NRL: variants seen among roughly 807,000 people sequenced by gnomAD.
The protein encoded by NRL is neural retina leucine zipper.
Under a neutral mutation model 12.5 loss-of-function variants are expected in NRL, and 16 were observed. The ratio of observed to expected loss-of-function variants is 1.28; its 90% CI spans 0.87 to 1.95. NRL has a LOEUF of 1.95. Among genes scored for constraint, NRL ranks in the 30% most tolerant of loss-of-function variants. The pLI is 0.00. For synonymous variants in NRL, 142 were observed against 150.9 expected (o/e 0.94, Z 0.43); for missense variants, 314 against 325.8 (o/e 0.96, Z 0.28).
intron 1 of NRL, among the ~76,000 whole-genome samples, chr14:24,113,582 G>GC (rs1255135854): frequency 6.6e-6 from 1 of 152,224 alleles, no homozygotes; most frequent in Non-Finnish European, 1.5e-5. Flanking sequence ...GGAGCCGAGT[G>GC]CAAGATGAAA....
chr14:24,079,771 C>T lies in NRL; in HGVS notation c.*1465G>A, dbSNP rs1316768789. On this transcript the variant is annotated 3_prime_UTR_variant, in exon 3 of 3. Coordinates refer to ENST00000561028, the MANE Select transcript of NRL (RefSeq NM_001354768.3). ...CAGTAACTCGTGAGGCGGCTGCTCCCAGCACAACGCCTGTGCTCTGCCCAG... is the reference window on the plus strand; with the variant it reads ...CAGTAACTCGTGAGGCGGCTGCTCCTAGCACAACGCCTGTGCTCTGCCCAG... Among the ~76,000 whole-genome samples the T allele has an allele frequency of 6.6e-6, 1 of 152,228 alleles. No homozygotes were observed. The highest frequency in any genetic ancestry group is 2.4e-5 in the African/African-American group (1 of 41,448).
chr14:24,089,684 G>A (rs2036563209), intron 1 of NRL, among the ~76,000 whole-genome samples: 2 of 152,156 alleles, frequency 1.3e-5, no homozygotes, highest in African/African-American at 4.8e-5. Context: ...AGAAGGGCAG[G>A]GTGCTATGAA....
chr14:24,111,688 C>T (rs376733999), intron 1 of NRL, among the ~76,000 whole-genome samples: 5 of 152,110 alleles, frequency 3.3e-5, no homozygotes, highest in Non-Finnish European at 7.3e-5. Flanking sequence ...AAAATGATTC[C>T]GTCCTGAGAC....
At chr14:24,097,159 C>G (rs776921563) in intron 1 of NRL, 16 of 1,610,458 alleles carry the variant, frequency 9.9e-6, no homozygotes, top group Non-Finnish European at 1.4e-5. Context: ...GCTCCACAAC[C>G]TGCAGGATAG....
chr14:24,098,352 G>A lies in NRL; in HGVS notation c.-27-15477C>T, dbSNP rs758347746. The A allele has an allele frequency of 1.8e-5, 29 of 1,613,356 alleles. No homozygotes were observed. Among genetic ancestry groups the A allele is most frequent in the South Asian group, 9.9e-5 (9 of 91,030 alleles). On this transcript the variant is annotated intron_variant, in intron 1 of 2. Coordinates refer to ENST00000561028, the MANE Select transcript of NRL (RefSeq NM_001354768.3). Reference sequence around the variant, plus strand: ...TGGATGTCCCCAGCTGATTTCCAGCGAGCTGTGGATGAGAGGTTTCCAGGC... The same window carrying A: ...TGGATGTCCCCAGCTGATTTCCAGCAAGCTGTGGATGAGAGGTTTCCAGGC...
intron 1 of NRL, among the ~76,000 whole-genome samples, chr14:24,105,937 C>T: frequency 6.6e-6 from 1 of 152,116 alleles, no homozygotes; most frequent in African/African-American, 2.4e-5. Flanking sequence ...TCACCTATTC[C>T]GTGTTTCTCA....
rs1180900105 is a variant in NRL, at chr14:24,085,812, C to T, written c.-27-2937G>A. ...CCCCAGAGCAGCAGCATCCATATCA[C>T]CTGGGAACTTGCTAGAAATACATGT... On this transcript the variant is annotated intron_variant, in intron 1 of 2. Transcript: ENST00000561028. The surrounding 1 kb of genome is among the most constrained non-coding windows in gnomAD (Gnocchi z 4.1). 2.6e-5 allele frequency among the ~76,000 whole-genome samples: 4 copies of T among 152,196 alleles called. 1 individual carries two copies. The South Asian group carries it at 6.2e-4, about 24-fold the overall frequency.
intron 1 of NRL, chr14:24,095,014 C>G: frequency 2.1e-6 from 1 of 466,016 alleles, no homozygotes; most frequent in South Asian, 1.6e-5. Flanking sequence ...GGGAGGAGGG[C>G]GCCAAGTTGC....
intron 1 of NRL, among the ~76,000 whole-genome samples, chr14:24,083,722 A>G (rs2036392326): frequency 6.6e-6 from 1 of 152,184 alleles, no homozygotes; most frequent in Non-Finnish European, 1.5e-5. Context: ...TCTGAACAAT[A>G]CCTATGAAGA....
At chr14:24,103,460 C>T in intron 1 of NRL, 1 of 1,473,478 alleles carries the variant, frequency 6.8e-7, no homozygotes, top group Admixed American at 2.0e-5. Flanking sequence ...GGTGCCCTTC[C>T]CTACCCCAGT....
intron 1 of NRL, among the ~76,000 whole-genome samples, chr14:24,088,652 CTTT>C (rs549787856): frequency 1.4e-4 from 19 of 137,644 alleles, no homozygotes; most frequent in Admixed American, 1.5e-4. Context: ...CTGAATTATA[CTTT>C]TTTTTTTTTT....
At chr14:24,111,891 GA>G (rs2037426433) in intron 1 of NRL, among the ~76,000 whole-genome samples, 1 of 120,540 alleles carries the variant, frequency 8.3e-6, no homozygotes. Flanking sequence ...GGAGCGGTGA[GA>G]GAGGGCATCC....
chr14:24,089,056 G>A (rs145871119), intron 1 of NRL, among the ~76,000 whole-genome samples: 2,975 of 151,206 alleles, frequency 0.02, 97 homozygotes, highest in African/African-American at 0.068. Flanking sequence ...CGCCCGCCTC[G>A]GCCTCCCAAA....
In NRL at chr14:24,088,108, C is replaced by T. The variant is rs573465652; in HGVS notation, c.-27-5233G>A. Among the ~76,000 whole-genome samples the T allele has an allele frequency of 7.9e-5, 12 of 152,300 alleles. No homozygotes were observed. In the South Asian group the frequency reaches 2.5e-3, roughly 32 times the overall value. Reference sequence around the variant, plus strand: ...GCCCTGGGCCCTGTGCTTTAGAAGGCTCCACTCTGGCCTCCTCTGGCTATG... The same window carrying T: ...GCCCTGGGCCCTGTGCTTTAGAAGGTTCCACTCTGGCCTCCTCTGGCTATG... On this transcript the variant is annotated intron_variant, in intron 1 of 2. Transcript: ENST00000561028.
Position 24,100,147 on chromosome 14 carries a change from G to C in NRL, c.-28+14575C>G, listed in dbSNP as rs377452848. Reference sequence around the variant, plus strand: ...CAGTGATGGTGGCGTGTACTGGGAGGGCATTGACCAGCCTCTTCCACCTGG... The same window carrying C: ...CAGTGATGGTGGCGTGTACTGGGAGCGCATTGACCAGCCTCTTCCACCTGG... On this transcript the variant is annotated intron_variant, in intron 1 of 2. Coordinates refer to ENST00000561028, the MANE Select transcript of NRL (RefSeq NM_001354768.3). 17 of 1,613,878 alleles carry C rather than the reference G, an allele frequency of 1.1e-5. No individual in the cohort carries two copies. In the African/African-American group the frequency reaches 1.7e-4, roughly 16 times the overall value.
At chr14:24,096,628 C>T (rs2138937037) in intron 1 of NRL, among the ~76,000 whole-genome samples, 1 of 152,284 alleles carries the variant, frequency 6.6e-6, no homozygotes, top group South Asian at 2.1e-4. Context: ...TGTATACTTC[C>T]ACACAGCCAG....
intron 1 of NRL, chr14:24,103,233 C>T: frequency 6.2e-7 from 1 of 1,613,832 alleles, no homozygotes; most frequent in Non-Finnish European, 8.5e-7. Context: ...GCTCTGAGTC[C>T]ACTGCTGCAG....
intron 1 of NRL, chr14:24,084,700 G>A (rs757763909): frequency 2.9e-4 from 290 of 985,504 alleles, no homozygotes; most frequent in Middle Eastern, 5.2e-4. Context: ...TGGTCCTGAG[G>A]CCTCCAACCA....
chr14:24,100,794 G>A (rs1190284252), intron 1 of NRL, among the ~76,000 whole-genome samples: 2 of 152,134 alleles, frequency 1.3e-5, no homozygotes, highest in African/African-American at 4.8e-5. Flanking sequence ...TCCCTCCAAA[G>A]CATTCACCCC....
Sources: allele counts gnomAD v4.1 joint callset (sites outside exome capture counted in the v4.1 genomes callset), GRCh38; gene constraint gnomAD v4.1.1; non-coding constraint Gnocchi (gnomAD v3.1); transcripts MANE v1.5; gene names NCBI Gene and HGNC (gene_info 2026-07-23, HGNC 2026-07-21).